Variants in SAMD5 observed in about 807,000 individuals in gnomAD.
SAMD5 encodes the protein sterile alpha motif domain-containing protein 5.
Under a neutral mutation model 11.3 loss-of-function variants are expected in SAMD5, and 13 were observed. That is an observed-to-expected ratio of 1.15 (90% CI 0.75 to 1.83). The LOEUF (loss-of-function observed/expected upper bound fraction) is 1.83, where lower values mean the gene tolerates loss of function less well. Among genes scored for constraint, SAMD5 ranks in the 40% most tolerant of loss-of-function variants. SAMD5 has a pLI of 0.00. For missense variants in SAMD5, 255 were observed against 239.1 expected, an observed-to-expected ratio of 1.07 and a Z score of -0.44; for synonymous variants, 129 against 111.3, an observed-to-expected ratio of 1.16 and a Z score of -1.00.
chr6:147,841,669 C>T, the SAMD5 span, among the ~76,000 whole-genome samples: 1,885 of 152,216 alleles, frequency 0.012, 41 homozygotes, highest in South Asian at 0.074. Flanking sequence ...TCACATTTTC[C>T]TTTCTCTTTG....
the SAMD5 span, among the ~76,000 whole-genome samples, chr6:147,915,179 G>A: frequency 6.6e-6 from 1 of 152,176 alleles, no homozygotes; most frequent in Non-Finnish European, 1.5e-5. Flanking sequence ...TAGCTTTTCT[G>A]TAGTTAGGTA....
At chr6:147,885,134 C>T in the SAMD5 span, among the ~76,000 whole-genome samples, 3 of 152,128 alleles carry the variant, frequency 2.0e-5, no homozygotes, top group African/African-American at 7.2e-5. Flanking sequence ...TTGCTTTTGT[C>T]TCTCAGATGG....
the SAMD5 span, among the ~76,000 whole-genome samples, chr6:147,768,765 C>T: frequency 3.3e-5 from 5 of 152,042 alleles, no homozygotes; most frequent in Non-Finnish European, 7.4e-5. Context: ...ACCTCACATA[C>T]TTATTTTTTG....
intron 1 of SAMD5, among the ~76,000 whole-genome samples, chr6:147,620,977 TGTGTGTGTGTGTGCGC>T (rs1289886928): frequency 1.0e-5 from 1 of 99,684 alleles, no homozygotes. Context: ...TGTGTGTGTG[TGTGTGTGTGTGTGCGC>T]GCGCGCACAT....
chr6:147,832,217 G>C, the SAMD5 span, among the ~76,000 whole-genome samples: 3 of 152,062 alleles, frequency 2.0e-5, no homozygotes, highest in Non-Finnish European at 2.9e-5. Flanking sequence ...TTTTTGCCCT[G>C]TCTTAAGAGT....
intron 1 of SAMD5, among the ~76,000 whole-genome samples, chr6:147,552,143 G>A (rs1343579145): frequency 6.6e-6 from 1 of 152,146 alleles, no homozygotes; most frequent in South Asian, 2.1e-4. Context: ...GTTCTTTGCT[G>A]TTTAATGTCT....
rs530049084 is a variant in SAMD5, at chr6:147,625,164, A to C, written c.163-112153A>C. 3.9e-5 allele frequency among the ~76,000 whole-genome samples: 6 copies of C among 152,266 alleles called. No individual in the cohort carries two copies. In the South Asian group the frequency reaches 1.2e-3, roughly 32 times the overall value. On this transcript the variant is annotated intron_variant, in intron 1 of 1. Transcript: ENST00000566741. ...TGAATCCTGGTGATTATCCGCATAC[A>C]TATCCCAGGCCTGAGAAGGGCCCAG...
intron 1 of SAMD5, among the ~76,000 whole-genome samples, chr6:147,675,630 A>G (rs1210469796): frequency 6.6e-6 from 1 of 152,188 alleles, no homozygotes; most frequent in Admixed American, 6.5e-5. Context: ...ATTGAAACGT[A>G]TACATGGTAT....
chr6:147,545,048 G>A (rs1321519087), intron 1 of SAMD5, among the ~76,000 whole-genome samples: 6 of 152,138 alleles, frequency 3.9e-5, no homozygotes, highest in Non-Finnish European at 7.3e-5. Flanking sequence ...TAATAAAAAT[G>A]ATTCAAAATG....
chr6:147,821,527 T>G, the SAMD5 span, among the ~76,000 whole-genome samples: 3 of 152,150 alleles, frequency 2.0e-5, no homozygotes, highest in Non-Finnish European at 4.4e-5. Flanking sequence ...GAGAGCCAAG[T>G]GCTACTTTTA....
chr6:147,807,387 G>A, the SAMD5 span, among the ~76,000 whole-genome samples: 1 of 152,172 alleles, frequency 6.6e-6, no homozygotes, highest in Non-Finnish European at 1.5e-5. Context: ...ATAGGCATGA[G>A]CCACTGTGCC....
chr6:147,558,381 T>C (rs773003088), intron 1 of SAMD5, among the ~76,000 whole-genome samples: 14 of 152,176 alleles, frequency 9.2e-5, no homozygotes, highest in Non-Finnish European at 2.1e-4. Flanking sequence ...CTCCAGCATT[T>C]ATGGCTATTT....
At chr6:147,637,119 A>C (rs1790241937) in intron 1 of SAMD5, among the ~76,000 whole-genome samples, 1 of 152,146 alleles carries the variant, frequency 6.6e-6, no homozygotes, top group East Asian at 1.9e-4. Context: ...AGAATAGCCC[A>C]AGTGTTAGAT....
At chr6:147,785,367 C>T in the SAMD5 span, among the ~76,000 whole-genome samples, 4 of 152,144 alleles carry the variant, frequency 2.6e-5, no homozygotes, top group African/African-American at 9.7e-5. Flanking sequence ...CCCACCACTG[C>T]CCCCAATCAG....
intron 1 of SAMD5, among the ~76,000 whole-genome samples, chr6:147,724,708 A>G (rs1046335749): frequency 3.3e-5 from 5 of 151,988 alleles, no homozygotes; most frequent in African/African-American, 1.2e-4. Flanking sequence ...CATGATGGAG[A>G]TGGGGGAAGG....
At chr6:147,556,314 G>T (rs942643980) in intron 1 of SAMD5, among the ~76,000 whole-genome samples, 2 of 151,936 alleles carry the variant, frequency 1.3e-5, no homozygotes, top group African/African-American at 4.8e-5. Flanking sequence ...GGATGGTCTC[G>T]ATCTCCTGAC....
In SAMD5 at chr6:147,726,979, A is replaced by G. The variant is rs192919259; in HGVS notation, c.163-10338A>G. On this transcript the variant is annotated intron_variant, in intron 1 of 1. Transcript: ENST00000566741. ...TAATTCCAGCCTCACCTCTCTGCAG[A>G]CTTTCCTTGACATAACTAAAAACTA... Among the ~76,000 whole-genome samples the G allele has an allele frequency of 1.7e-3, 266 of 152,268 alleles. 7 individuals carry two copies. The highest frequency in any genetic ancestry group is 0.016 in the Admixed American group (245 of 15,288).
the SAMD5 span, among the ~76,000 whole-genome samples, chr6:147,896,979 G>C: frequency 1.3e-5 from 2 of 152,258 alleles, no homozygotes; most frequent in South Asian, 4.2e-4. Context: ...AATCTGTAGA[G>C]GCAAAAAGTA....
At chr6:147,678,666 T>A (rs966864596) in intron 1 of SAMD5, among the ~76,000 whole-genome samples, 2 of 152,196 alleles carry the variant, frequency 1.3e-5, no homozygotes, top group Non-Finnish European at 2.9e-5. Context: ...GGTGGAAGGA[T>A]GTCCCAGCAT....
Sources: gnomAD v4.1 joint callset for allele counts (sites outside exome capture counted in the v4.1 genomes callset) on GRCh38, gnomAD v4.1.1 for gene constraint, MANE v1.5 for transcripts, NCBI Gene and HGNC (gene_info 2026-07-23, HGNC 2026-07-21) for gene names.